Variants in MTF2 observed in about 807,000 individuals in gnomAD.
The protein encoded by MTF2 is metal response element binding transcription factor 2.
MTF2 carries 11 observed loss-of-function variants against 79.5 expected under a neutral mutation model. That is an observed-to-expected ratio of 0.14 (90% CI 0.09 to 0.23). MTF2 has a LOEUF of 0.23. MTF2 is among the 10% of genes least tolerant of loss of function. MTF2 has a pLI of 1.00. For synonymous variants in MTF2, 208 were observed against 232.8 expected (o/e 0.89, Z 0.97); for missense variants, 486 against 711.2 (o/e 0.68, Z 3.60).
rs139841474 is a variant in MTF2 at position 93,088,135 on chromosome 1, G to A, written c.5+8604G>A. 3.1e-3 allele frequency among the ~76,000 whole-genome samples: 469 copies of A among 152,144 alleles called. 1 individual carries two copies. Among genetic ancestry groups the A allele is most frequent in the Middle Eastern group, 0.014 (4 of 294 alleles). Reference sequence around the variant, plus strand: ...CTTATTTTTTTCTCGTTGGTCTTAGGACCAGAGTCTGCAGGATTATAATGA... The same window carrying A: ...CTTATTTTTTTCTCGTTGGTCTTAGAACCAGAGTCTGCAGGATTATAATGA... On this transcript the variant is annotated intron_variant, in intron 1 of 14. Coordinates refer to ENST00000370298, the MANE Select transcript of MTF2 (RefSeq NM_007358.4).
chr1:93,082,869 C>T (rs1334739485), intron 1 of MTF2, among the ~76,000 whole-genome samples: 1 of 152,130 alleles, frequency 6.6e-6, no homozygotes, highest in African/African-American at 2.4e-5. Flanking sequence ...TCCCCTTCAC[C>T]TATCCACTAT....
At chr1:93,134,361 A>G (rs565712990) in intron 14 of MTF2, 166 bp downstream of exon 14, 112 of 572,254 alleles carry the variant, frequency 2.0e-4, no homozygotes, top group Non-Finnish European at 3.1e-4. Context: ...GTTAATATTC[A>G]TTTGAAATAT....
At chr1:93,099,102 C>T (rs1053642394) in intron 1 of MTF2, among the ~76,000 whole-genome samples, 1 of 152,178 alleles carries the variant, frequency 6.6e-6, no homozygotes, top group African/African-American at 2.4e-5. Flanking sequence ...CTGAAAAAGA[C>T]CTCCATATTT....
At chr1:93,079,875 C>T (rs1210785973) in intron 1 of MTF2, among the ~76,000 whole-genome samples, 3 of 104,462 alleles carry the variant, frequency 2.9e-5, no homozygotes, top group African/African-American at 3.9e-5. Flanking sequence ...AACCTGGTGA[C>T]GAGGGGGTGG....
intron 10 of MTF2, among the ~76,000 whole-genome samples, chr1:93,127,749 TC>T (rs1369815595): frequency 6.6e-6 from 1 of 152,136 alleles, no homozygotes; most frequent in Non-Finnish European, 1.5e-5. Flanking sequence ...AGCTGAGTAG[TC>T]TAAGATAATT....
intron 6 of MTF2, 59 bp downstream of exon 6, chr1:93,115,677 T>C: frequency 7.2e-7 from 1 of 1,396,250 alleles, no homozygotes. Flanking sequence ...TATCTATTTT[T>C]CTTGATTATG....
At position 93,135,880 on chromosome 1, in the gene MTF2, G is replaced by A. The variant is rs375312034; in HGVS notation, c.1425-790G>A. ...TGTTCTCATTTTACAGATGAGGAAA[G>A]TGAGACTTAGGGGATTTTAAGTAAC... On this transcript the variant is annotated intron_variant, in intron 14 of 14. Coordinates refer to ENST00000370298, the MANE Select transcript of MTF2 (RefSeq NM_007358.4). Among the ~76,000 whole-genome samples, 12 of 152,348 alleles carry A rather than the reference G, an allele frequency of 7.9e-5. No individual in the cohort carries two copies. The East Asian group carries it at 1.9e-3, about 25-fold the overall frequency.
chr1:93,127,287 A>G lies in MTF2; in HGVS notation c.977A>G (p.Asp326Gly). 1 of 1,608,042 alleles carries G rather than the reference A, an allele frequency of 6.2e-7. No individual in the cohort carries two copies. The change falls in exon 10 of 15, where the codon GAT becomes GGT. Residue 326 changes from aspartate (D) to glycine (G), a missense_variant. This residue lies in a region of MTF2 where 177 missense variants were observed against 364.0 expected (regional missense o/e 0.49). Coordinates refer to ENST00000370298, the MANE Select transcript of MTF2 (RefSeq NM_007358.4). ...GAGCATGTTCTGGAGGCATTAAATGATTACAAGACCATGTAAGTTGATTTA... is the reference window on the plus strand; with the variant it reads ...GAGCATGTTCTGGAGGCATTAAATGGTTACAAGACCATGTAAGTTGATTTA... ...RYEHVLEALN[D>G]YKTMFMSGKE...
chr1:93,079,476 G>C lies in MTF2; in HGVS notation c.-51G>C. The C allele has an allele frequency of 2.5e-6, 4 of 1,613,624 alleles. No homozygotes were observed. The highest frequency in any genetic ancestry group is 3.4e-6 in the Non-Finnish European group (4 of 1,179,832). On this transcript the variant is annotated 5_prime_UTR_variant, in exon 1 of 15. Transcript: ENST00000370298. ...CGCAGGGGAAGCGCCCACGGGGACG[G>C]ATTGGTTGTTTTTTCCTGTATGAAG...
intron 1 of MTF2, among the ~76,000 whole-genome samples, chr1:93,094,507 A>G (rs1234681773): frequency 6.6e-6 from 1 of 152,080 alleles, no homozygotes; most frequent in East Asian, 1.9e-4. Flanking sequence ...TACAGGTTCT[A>G]TCTTAGATCT....
chr1:93,109,873 T>G (rs1305482423), intron 1 of MTF2, among the ~76,000 whole-genome samples: 1 of 152,216 alleles, frequency 6.6e-6, no homozygotes, highest in Non-Finnish European at 1.5e-5. Context: ...TAATTCACTT[T>G]TATTCTTTAC....
intron 1 of MTF2, among the ~76,000 whole-genome samples, chr1:93,096,808 C>CTTTTTTT (rs961849389): frequency 1.0e-4 from 14 of 136,264 alleles, no homozygotes; most frequent in African/African-American, 1.9e-4. Context: ...TTTTCTTTTT[C>CTTTTTTT]TTTTTTTTTT....
At chr1:93,086,800 T>C (rs1224177750) in intron 1 of MTF2, among the ~76,000 whole-genome samples, 2 of 152,214 alleles carry the variant, frequency 1.3e-5, no homozygotes, top group African/African-American at 4.8e-5. Flanking sequence ...AAATGTATAC[T>C]ACAGGCAGCT....
At chr1:93,099,529 A>C (rs964070275) in intron 1 of MTF2, among the ~76,000 whole-genome samples, 3 of 152,164 alleles carry the variant, frequency 2.0e-5, no homozygotes, top group Admixed American at 6.5e-5. Flanking sequence ...AATAGTATCA[A>C]ACTTCCGAGG....
chr1:93,081,082 C>G (rs947918272), intron 1 of MTF2: 5 of 152,158 alleles, frequency 3.3e-5, no homozygotes, highest in African/African-American at 1.2e-4. Context: ...CTTCCTGATA[C>G]TACATTTATA....
rs562616849 is a variant in MTF2, at chr1:93,131,807, C to G, written c.1161-1896C>G. ...AAGCCAAAAGAGAAGGGATGTAGAG[C>G]CTGAATGTGGGACTGGCCTTTTCTA... On this transcript the variant is annotated intron_variant, in intron 11 of 14. Transcript: ENST00000370298. 5.3e-5 allele frequency among the ~76,000 whole-genome samples: 8 copies of G among 152,164 alleles called. No homozygotes were observed. In the East Asian group the frequency reaches 1.2e-3, roughly 22 times the overall value.
At chr1:93,110,973 T>C (rs1194123966) in intron 3 of MTF2, among the ~76,000 whole-genome samples, 1 of 152,216 alleles carries the variant, frequency 6.6e-6, no homozygotes, top group Admixed American at 6.5e-5. Flanking sequence ...GAGCATACTG[T>C]TTGTCAGATG....
intron 9 of MTF2, among the ~76,000 whole-genome samples, chr1:93,126,672 T>C (rs1656709432): frequency 6.6e-6 from 1 of 152,060 alleles, no homozygotes; most frequent in Admixed American, 6.6e-5. Flanking sequence ...GATGAAAAAT[T>C]ATTGAGCCAT....
chr1:93,093,770 G>C (rs965502345), intron 1 of MTF2, among the ~76,000 whole-genome samples: 1 of 151,968 alleles, frequency 6.6e-6, no homozygotes, highest in African/African-American at 2.4e-5. Context: ...CTATTCACAG[G>C]CATGATCATA....
Sources: allele counts gnomAD v4.1 joint callset (sites outside exome capture counted in the v4.1 genomes callset), GRCh38; gene constraint gnomAD v4.1.1; regional missense constraint gnomAD v4.1.1; transcripts MANE v1.5; gene names NCBI Gene and HGNC (gene_info 2026-07-23, HGNC 2026-07-21).